Variants in ABCB1 observed in about 807,000 individuals in gnomAD.
The protein encoded by ABCB1 is ATP-dependent translocase ABCB1.
In ABCB1, 69 loss-of-function variants were observed where a neutral mutation model predicts 142.0. The ratio of observed to expected loss-of-function variants is 0.49; its 90% CI spans 0.40 to 0.59. ABCB1 has a LOEUF of 0.59. Ranked by LOEUF, ABCB1 falls within the 20% of genes least tolerant of loss-of-function variation. The probability of loss-of-function intolerance (pLI) is 0.00; values close to 1 mark genes in which losing one functional copy is unlikely to be tolerated. For synonymous variants in ABCB1, 532 were observed against 539.2 expected (o/e 0.99, Z 0.18); for missense variants, 1,326 against 1,554.7 (o/e 0.85, Z 2.47).
chr7:87,532,576 G>A (rs928666375), intron 20 of ABCB1, among the ~76,000 whole-genome samples: 2 of 152,074 alleles, frequency 1.3e-5, no homozygotes, highest in African/African-American at 4.8e-5. Flanking sequence ...CCATGGCAAC[G>A]TTACCCTATA....
intron 1 of ABCB1, among the ~76,000 whole-genome samples, chr7:87,711,092 C>T (rs992046087): frequency 5.3e-5 from 8 of 151,868 alleles, no homozygotes; most frequent in African/African-American, 1.5e-4. Context: ...TTTGGGAGGC[C>T]GAGGCTGGCA....
At chr7:87,556,752 C>T (rs1222483432) in intron 8 of ABCB1, among the ~76,000 whole-genome samples, 2 of 152,126 alleles carry the variant, frequency 1.3e-5, no homozygotes, top group African/African-American at 2.4e-5. Flanking sequence ...GAAAACATAA[C>T]GTGGATAGTC....
At chr7:87,572,815 C>T (rs1455450520) in intron 4 of ABCB1, among the ~76,000 whole-genome samples, 1 of 143,842 alleles carries the variant, frequency 7.0e-6, no homozygotes, top group African/African-American at 2.6e-5. Flanking sequence ...CCAAATACCA[C>T]GTTTTCACTT....
intron 1 of ABCB1, among the ~76,000 whole-genome samples, chr7:87,682,405 C>A (rs570387541): frequency 2.0e-5 from 3 of 152,278 alleles, no homozygotes; most frequent in African/African-American, 7.2e-5. Flanking sequence ...TTGCCCAGAT[C>A]CATCAGAAGA....
chr7:87,586,015 T>A (rs1292870333), intron 3 of ABCB1, among the ~76,000 whole-genome samples: 1 of 152,216 alleles, frequency 6.6e-6, no homozygotes, highest in Non-Finnish European at 1.5e-5. Context: ...TTTCTAAGAA[T>A]AGAAGCCACT....
intron 1 of ABCB1, among the ~76,000 whole-genome samples, chr7:87,675,599 G>A (rs1306639071): frequency 6.9e-6 from 1 of 144,174 alleles, no homozygotes; most frequent in African/African-American, 2.6e-5. Flanking sequence ...GTACACAATA[G>A]GGAAAGGATA....
rs568062827 is a variant in ABCB1, at chr7:87,592,263, G to T, written c.117+3503C>A. Among the ~76,000 whole-genome samples the T allele has an allele frequency of 1.3e-4, 20 of 152,288 alleles. No homozygotes were observed. The South Asian group carries it at 1.5e-3, about 11-fold the overall frequency. ...GAATGAGTGGTAATAATGATGTAAG[G>T]TCCCTGAGAAGGCAGAGGAGATAGG... is the stretch of plus-strand genomic sequence containing the variant. On this transcript the variant is annotated intron_variant, in intron 3 of 27. Coordinates refer to ENST00000622132, the MANE Select transcript of ABCB1 (RefSeq NM_001348946.2).
intron 1 of ABCB1, among the ~76,000 whole-genome samples, chr7:87,675,653 C>CAAAAAAAAAAAAAA (rs200136132): frequency 1.8e-4 from 12 of 65,780 alleles, no homozygotes; most frequent in African/African-American, 2.9e-4. Flanking sequence ...TATTCACATG[C>CAAAAAAAAAAAAAA]AAAAAAAAAA....
chr7:87,595,943 A>G (rs1318565312), intron 2 of ABCB1, 129 bp from the exon 3 acceptor site: 1 of 714,900 alleles, frequency 1.4e-6, no homozygotes, highest in Non-Finnish European at 2.4e-6. Context: ...TACAGTTAAA[A>G]AACAGGATGA....
chr7:87,684,592 C>T (rs1827255988), intron 1 of ABCB1, among the ~76,000 whole-genome samples: 1 of 151,306 alleles, frequency 6.6e-6, no homozygotes. Context: ...ACTAAAAATA[C>T]AAAAAATTAG....
intron 1 of ABCB1, among the ~76,000 whole-genome samples, chr7:87,656,585 G>A (rs1049095110): frequency 1.3e-5 from 2 of 151,866 alleles, no homozygotes; most frequent in African/African-American, 4.8e-5. Context: ...AAAGGGGGAG[G>A]AGGAAAATAG....
intron 1 of ABCB1, among the ~76,000 whole-genome samples, chr7:87,699,155 C>T (rs767428937): frequency 2.0e-5 from 3 of 152,056 alleles, no homozygotes; most frequent in Non-Finnish European, 4.4e-5. Context: ...GACAAGAACA[C>T]TTCTTGATGT....
Position 87,617,232 on chromosome 7 carries a change from T to C in ABCB1, c.-330-16154A>G, listed in dbSNP as rs556845660. ...ACTCATGCATAACCAGGCAATCTTA[T>C]ACTCAGATATTCCCTTTAAACATTG... On this transcript the variant is annotated intron_variant, in intron 1 of 28. Coordinates refer to the ABCB1 transcript ENST00000265724. Among the ~76,000 whole-genome samples the C allele has an allele frequency of 9.8e-5, 15 of 152,370 alleles. 1 individual carries two copies. In the South Asian group the frequency reaches 3.1e-3, roughly 32 times the overall value.
chr7:87,549,514 A>T lies in ABCB1; in HGVS notation c.1559T>A (p.Phe520Tyr), dbSNP rs1816953591. ...CCCTCTCTCTCCAACCAGGGTGTCAAATTTCTACCACAGAAAACCCAGAAT... is the reference window on the plus strand; with the variant it reads ...CCCTCTCTCTCCAACCAGGGTGTCATATTTCTACCACAGAAAACCCAGAAT... ...YDFIMKLPHK[F>Y]DTLVGERGAQ... The change falls in exon 14 of 28, where the codon TTT becomes TAT. Residue 520 changes from phenylalanine (F) to tyrosine (Y), a missense_variant. Coordinates refer to ENST00000622132, the MANE Select transcript of ABCB1 (RefSeq NM_001348946.2). The T allele has an allele frequency of 1.2e-6, 2 of 1,614,184 alleles. No homozygotes were observed. Among genetic ancestry groups the T allele is most frequent in the African/African-American group, 1.3e-5 (1 of 75,052 alleles).
chr7:87,581,051 G>A (rs953611118), intron 4 of ABCB1, among the ~76,000 whole-genome samples: 1 of 151,130 alleles, frequency 6.6e-6, no homozygotes, highest in African/African-American at 2.4e-5. Context: ...GATGGGGGAG[G>A]GGGGGATGAT....
intron 1 of ABCB1, among the ~76,000 whole-genome samples, chr7:87,612,160 A>T (rs1276191722): frequency 1.3e-5 from 2 of 152,178 alleles, no homozygotes; most frequent in African/African-American, 2.4e-5. Flanking sequence ...TCTGGATATT[A>T]GTCCTTTGTT....
At chr7:87,515,102 T>C (rs747861732) in intron 25 of ABCB1, 129 bp downstream of exon 25, 25 of 1,247,814 alleles carry the variant, frequency 2.0e-5, no homozygotes, top group Non-Finnish European at 2.5e-5. Flanking sequence ...ATTTAGGCTC[T>C]CAGACTTTAT....
chr7:87,518,479 G>A (rs938865661), intron 23 of ABCB1, among the ~76,000 whole-genome samples: 2 of 152,124 alleles, frequency 1.3e-5, no homozygotes, highest in Non-Finnish European at 1.5e-5. Flanking sequence ...CATATCATTT[G>A]TCCAATGTAC....
At chr7:87,522,845 T>C (rs978404988) in intron 21 of ABCB1, among the ~76,000 whole-genome samples, 21 of 152,200 alleles carry the variant, frequency 1.4e-4, no homozygotes, top group African/African-American at 5.1e-4. Context: ...AACTCTATAT[T>C]TAGCTCTATA....
Sources: allele counts gnomAD v4.1 joint callset (sites outside exome capture counted in the v4.1 genomes callset), GRCh38; gene constraint gnomAD v4.1.1; transcripts MANE v1.5; gene names NCBI Gene and HGNC (gene_info 2026-07-23, HGNC 2026-07-21).